The following APBA1 variants were observed in gnomAD, a reference collection of about 807,000 sequenced individuals.
APBA1 encodes the protein amyloid beta precursor protein binding family A member 1, also known as amyloid-beta A4 precursor protein-binding family A member 1.
Under a neutral mutation model 86.6 loss-of-function variants are expected in APBA1, and 55 were observed. That is an observed-to-expected ratio of 0.64 (90% CI 0.51 to 0.80). The LOEUF is 0.80. Among genes scored for constraint, APBA1 ranks in the 30% least tolerant of loss-of-function variants. The probability of loss-of-function intolerance (pLI) is 0.00; values close to 1 mark genes in which losing one functional copy is unlikely to be tolerated. For synonymous variants in APBA1, 511 were observed against 493.9 expected (o/e 1.03, Z -0.46); for missense variants, 1,090 against 1,183.0 (o/e 0.92, Z 1.15).
chr9:69,431,527 GC>G (rs1834595976), intron 12 of APBA1, 129 bp from the exon 13 acceptor site: 2 of 736,128 alleles, frequency 2.7e-6, no homozygotes, highest in Admixed American at 3.2e-5. Flanking sequence ...CTACCGCCCA[GC>G]CACCACCAGG....
intron 1 of APBA1, among the ~76,000 whole-genome samples, chr9:69,669,460 C>T (rs1399963110): frequency 6.6e-6 from 1 of 152,158 alleles, no homozygotes; most frequent in African/African-American, 2.4e-5. Context: ...GGCATCCATG[C>T]ACAAAAAATG....
At chr9:69,476,212 G>C (rs1178345776) in intron 2 of APBA1, 69 bp from the exon 3 acceptor site, 1 of 1,169,800 alleles carries the variant, frequency 8.5e-7, no homozygotes, top group Non-Finnish European at 1.2e-6. Flanking sequence ...TGGGGGAAAG[G>C]GGCCGGGAGA....
At chr9:69,452,531 C>A (rs1171296181) in intron 8 of APBA1, among the ~76,000 whole-genome samples, 1 of 152,228 alleles carries the variant, frequency 6.6e-6, no homozygotes, top group Admixed American at 6.5e-5. Flanking sequence ...GAGCTACCGG[C>A]ATTCAGCAGA....
chr9:69,576,554 T>C (rs1229241745), intron 1 of APBA1, among the ~76,000 whole-genome samples: 2 of 152,162 alleles, frequency 1.3e-5, no homozygotes, highest in African/African-American at 4.8e-5. Flanking sequence ...ATGTCTTTTG[T>C]AGGGACATGG....
intron 2 of APBA1, among the ~76,000 whole-genome samples, chr9:69,480,956 T>G (rs1245637391): frequency 6.8e-6 from 1 of 146,808 alleles, no homozygotes; most frequent in African/African-American, 2.5e-5. Flanking sequence ...ATAAATTAGG[T>G]ATTGATGGGA....
chr9:69,429,740 C>A lies in APBA1; in HGVS notation c.*1587G>T, dbSNP rs998823669. The stretch of plus-strand genomic sequence containing the variant: ...TCTCTCTATAAATACATGCTACCCA[C>A]CATTTGCTCACTGAGTTCCTATTTC... On this transcript the variant is annotated 3_prime_UTR_variant, in exon 13 of 13. Coordinates refer to ENST00000265381, the MANE Select transcript of APBA1 (RefSeq NM_001163.4). The A allele has an allele frequency of 2.0e-5, 3 of 151,748 alleles. No homozygotes were observed. The highest frequency in any genetic ancestry group is 2.1e-4 in the South Asian group (1 of 4,756). The allele number at this position is 151,748 out of a possible 1,614,324, so 9.4% of individuals were successfully genotyped here. A position where few individuals can be genotyped will look rare whatever the true frequency, so the allele number is the denominator to read the frequency against.
intron 2 of APBA1, among the ~76,000 whole-genome samples, chr9:69,489,059 G>A (rs1476949746): frequency 2.6e-5 from 4 of 152,044 alleles, no homozygotes; most frequent in Admixed American, 1.3e-4. Flanking sequence ...TACTGCCCAA[G>A]GTAATTTATA....
chr9:69,540,585 T>C (rs939243646), intron 1 of APBA1, among the ~76,000 whole-genome samples: 4 of 152,084 alleles, frequency 2.6e-5, no homozygotes, highest in African/African-American at 9.7e-5. Context: ...CTTAGGTACA[T>C]TTGACTATTT....
At chr9:69,525,350 G>A (rs1836325772) in intron 1 of APBA1, among the ~76,000 whole-genome samples, 1 of 152,000 alleles carries the variant, frequency 6.6e-6, no homozygotes, top group African/African-American at 2.4e-5. Context: ...TATGCCAAAA[G>A]GCTCCTAGAA....
intron 4 of APBA1, among the ~76,000 whole-genome samples, chr9:69,471,164 G>A (rs975500063): frequency 2.0e-5 from 3 of 152,156 alleles, no homozygotes; most frequent in Non-Finnish European, 4.4e-5. Context: ...CATGGGAGGT[G>A]CTTAGAACAG....
chr9:69,585,276 G>A (rs1286236269), intron 1 of APBA1, among the ~76,000 whole-genome samples: 1 of 152,166 alleles, frequency 6.6e-6, no homozygotes, highest in African/African-American at 2.4e-5. Context: ...AAGACTTAAA[G>A]ACTAAAAAAG....
intron 1 of APBA1, among the ~76,000 whole-genome samples, chr9:69,601,668 G>C (rs1822351993): frequency 6.6e-6 from 1 of 152,196 alleles, no homozygotes; most frequent in Non-Finnish European, 1.5e-5. Flanking sequence ...GAATGAAAGA[G>C]TTGGAAAGAT....
chr9:69,467,061 A>T lies in APBA1; in HGVS notation c.1482+762T>A, dbSNP rs146338474. On this transcript the variant is annotated intron_variant, in intron 5 of 12. Coordinates refer to ENST00000265381, the MANE Select transcript of APBA1 (RefSeq NM_001163.4). ...AATGGCATGTGGATGACATAAACAC[A>T]CCTTAAGTGTTCCTGGAGTCCTGGT... 5.4e-4 allele frequency among the ~76,000 whole-genome samples: 82 copies of T among 152,274 alleles called. 2 individuals are homozygous for T. The East Asian group carries it at 0.015, about 28-fold the overall frequency.
chr9:69,671,909 C>T (rs1352737617), intron 1 of APBA1, among the ~76,000 whole-genome samples: 3 of 152,204 alleles, frequency 2.0e-5, no homozygotes, highest in Admixed American at 2.0e-4. Context: ...GCCCGAAGCC[C>T]GGCATCTCAG....
intron 1 of APBA1, among the ~76,000 whole-genome samples, chr9:69,570,167 C>T (rs573527044): frequency 6.6e-6 from 1 of 152,304 alleles, no homozygotes; most frequent in South Asian, 2.1e-4. Flanking sequence ...ATAACAGTCA[C>T]TTGCTTTATG....
intron 1 of APBA1, among the ~76,000 whole-genome samples, chr9:69,521,955 T>A (rs1836259528): frequency 6.6e-6 from 1 of 151,278 alleles, no homozygotes; most frequent in South Asian, 2.1e-4. Context: ...TACTGGGGAG[T>A]TTAAGCAGGG....
chr9:69,506,192 C>G (rs1040620765), intron 2 of APBA1, among the ~76,000 whole-genome samples: 1 of 151,640 alleles, frequency 6.6e-6, no homozygotes, highest in South Asian at 2.1e-4. Flanking sequence ...AGACAGTGGG[C>G]GCAGGTCAGT....
chr9:69,554,674 C>G (rs966628403), intron 1 of APBA1, among the ~76,000 whole-genome samples: 1 of 152,142 alleles, frequency 6.6e-6, no homozygotes, highest in Non-Finnish European at 1.5e-5. Flanking sequence ...AACATTTCAT[C>G]AGTTCTAATT....
At chr9:69,470,970 CA>C (rs1294895780) in intron 4 of APBA1, among the ~76,000 whole-genome samples, 1 of 152,172 alleles carries the variant, frequency 6.6e-6, no homozygotes, top group Admixed American at 6.5e-5. Flanking sequence ...GGCAGCCCCA[CA>C]AAGACACCGG....
Sources: gnomAD v4.1 joint callset for allele counts (sites outside exome capture counted in the v4.1 genomes callset) on GRCh38, gnomAD v4.1.1 for gene constraint, MANE v1.5 for transcripts, NCBI Gene and HGNC (gene_info 2026-07-23, HGNC 2026-07-21) for gene names.